Variants in ESS2 observed in about 807,000 individuals in gnomAD.
ESS2 encodes splicing factor ESS-2 homolog.
Under a neutral mutation model 52.0 loss-of-function variants are expected in ESS2, and 31 were observed. The observed-to-expected ratio is 0.60, with a 90% CI of 0.45 to 0.81. The LOEUF (loss-of-function observed/expected upper bound fraction) is 0.81. Among genes scored for constraint, ESS2 ranks in the 30% least tolerant of loss-of-function variants. The pLI, the probability that ESS2 is intolerant of heterozygous loss-of-function variation, is 0.00. For synonymous variants in ESS2, 285 were observed against 259.2 expected (o/e 1.10, Z -0.95); for missense variants, 602 against 637.2 (o/e 0.94, Z 0.59).
In ESS2 at chr22:19,142,816, C is replaced by A. The variant is rs559394479; in HGVS notation, c.214G>T (p.Glu72Ter). 1 of 1,614,138 alleles carries A rather than the reference C, an allele frequency of 6.2e-7. No homozygotes were observed. The highest frequency in any genetic ancestry group is 8.5e-7 in the Non-Finnish European group (1 of 1,180,040). ...LQAQKEYLEA[E>*]ENGDLERMRQ... ...ATCCGTTCCAAGTCTCCATTCTCCT[C>A]GGCTTCCAGGTACTCCTTCTGTGCC... Residue 72 changes from glutamate (E) to a stop codon, truncating the protein, a stop_gained, in exon 2 of 10, where the codon GAG (glutamate) becomes TAG (stop). Transcript: ENST00000252137. LOFTEE classifies it high-confidence loss of function.
intron 3 of ESS2, among the ~76,000 whole-genome samples, chr22:19,141,711 G>A (rs76576602): frequency 0.016 from 2,509 of 152,316 alleles, 90 homozygotes; most frequent in East Asian, 0.06. Context: ...GTCTTGGCCA[G>A]GCGCGGTGGC....
At chr22:19,144,126 G>A in intron 1 of ESS2, 1 of 1,036,726 alleles carries the variant, frequency 9.6e-7, no homozygotes, top group Non-Finnish European at 1.2e-6. Flanking sequence ...CCACTCACTC[G>A]AGATGCTGTC....
chr22:19,142,686 G>A (rs1569113411), intron 2 of ESS2, 40 bp downstream of exon 2: 1 of 1,609,758 alleles, frequency 6.2e-7, no homozygotes, highest in Non-Finnish European at 8.5e-7. Flanking sequence ...CGACAGTTCA[G>A]CAGGCTTTCC....
At chr22:19,137,930 G>GCA (rs2146096640) in intron 7 of ESS2, 1 of 985,340 alleles carries the variant, frequency 1.0e-6, no homozygotes, top group African/African-American at 1.7e-5. Flanking sequence ...TAAGCACTGT[G>GCA]CACACACCCC....
intron 8 of ESS2, among the ~76,000 whole-genome samples, chr22:19,135,657 A>G (rs2083568887): frequency 6.6e-6 from 1 of 152,028 alleles, no homozygotes; most frequent in Non-Finnish European, 1.5e-5. Context: ...CATTTATAAC[A>G]TTTTCTGCTG....
intron 7 of ESS2, chr22:19,137,841 T>A (rs1435869938): frequency 1.0e-6 from 1 of 985,268 alleles, no homozygotes; most frequent in Non-Finnish European, 1.2e-6. Flanking sequence ...CACCCACGCA[T>A]GCCACAAGAC....
chr22:19,142,455 C>G (rs541063173), intron 3 of ESS2, 83 bp downstream of exon 3: 1 of 1,320,066 alleles, frequency 7.6e-7, no homozygotes, highest in Non-Finnish European at 1.0e-6. Flanking sequence ...CTGCAGCCCT[C>G]TGGACCACCC....
intron 1 of ESS2, 96 bp downstream of exon 1, chr22:19,144,407 CGAG>C (rs1451088378): frequency 6.3e-7 from 1 of 1,576,370 alleles, no homozygotes; most frequent in African/African-American, 1.4e-5. Flanking sequence ...TCCACTTCCA[CGAG>C]GAGACGGAGT....
chr22:19,137,333 G>A lies in ESS2; in HGVS notation c.1025C>T (p.Pro342Leu). Residue 342 changes from proline (P) to leucine (L), a missense_variant, in exon 8 of 10, where the codon CCA becomes CTA. Transcript: ENST00000252137. ...ATCACCACAACCCACCTTAAAAGCT[G>A]GGCCGGGTGTCCTGTCCACGTAGGG... ...ETPYVDRTPG[P>L]AFKILEPGRR... The A allele has an allele frequency of 6.2e-7, 1 of 1,612,746 alleles. No individual in the cohort carries two copies. The highest frequency in any genetic ancestry group is 8.5e-7 in the Non-Finnish European group (1 of 1,179,276).
chr22:19,134,280 G>A lies in ESS2; in HGVS notation c.1347C>T (p.Arg449=). The A allele has an allele frequency of 6.3e-7, 1 of 1,594,858 alleles. No individual in the cohort carries two copies. Among genetic ancestry groups the A allele is most frequent in the Non-Finnish European group, 8.6e-7 (1 of 1,169,264 alleles). Residue 449 remains arginine (R), a synonymous_variant, in exon 10 of 10, where the codon CGC becomes CGT. Coordinates refer to ENST00000252137, the MANE Select transcript of ESS2 (RefSeq NM_022719.3). ...TSTPAPGSAT[R]TPLTQDPASI... Reference sequence around the variant, plus strand: ...AGGCCGGGTCCTGTGTGAGAGGGGTGCGTGTGGCAGAGCCAGGCGCCGGTG... The same window carrying A: ...AGGCCGGGTCCTGTGTGAGAGGGGTACGTGTGGCAGAGCCAGGCGCCGGTG...
At chr22:19,143,850 C>A (rs1047630392) in intron 1 of ESS2, among the ~76,000 whole-genome samples, 1 of 152,208 alleles carries the variant, frequency 6.6e-6, no homozygotes, top group African/African-American at 2.4e-5. Context: ...ACGAGCGAGA[C>A]TCCGTCTCAA....
rs2083497570 is a variant in ESS2 at position 19,130,595 on chromosome 22, A to C, written c.*3601T>G. The C allele has an allele frequency of 1.3e-5, 5 of 397,958 alleles. No individual in the cohort carries two copies. In the Admixed American group the frequency reaches 1.6e-4, roughly 13 times the overall value. The allele number at this position is 397,958 out of a possible 1,614,324, so 24.7% of individuals were successfully genotyped here. A position where few individuals can be genotyped will look rare whatever the true frequency, so the allele number is the denominator to read the frequency against. ...TTGGTCCAGAGAGCTGCCTTAGACT[A>C]TCCAATTGATCTATTCAAACAGCTG... On this transcript the variant is annotated 3_prime_UTR_variant, in exon 10 of 10. Transcript: ENST00000252137.
Position 19,139,746 on chromosome 22 carries a change from A to G in ESS2, c.571-17T>C, listed in dbSNP as rs1369701265. ...TTTCTGCCTCTGCAATCACATGGGG[A>G]AAAGTGATGGTCAGAGATGCCCCTG... is the stretch of plus-strand genomic sequence containing the variant. On this transcript the variant is annotated splice_polypyrimidine_tract_variant and intron_variant, in intron 4 of 9. Coordinates refer to ENST00000252137, the MANE Select transcript of ESS2 (RefSeq NM_022719.3). 1 of 1,613,848 alleles carries G rather than the reference A, an allele frequency of 6.2e-7. No individual in the cohort carries two copies. The highest frequency in any genetic ancestry group is 8.5e-7 in the Non-Finnish European group (1 of 1,179,850).
At chr22:19,134,893 G>A (rs112755441) in intron 9 of ESS2, among the ~76,000 whole-genome samples, 167 bp downstream of exon 9, 110 of 152,306 alleles carry the variant, frequency 7.2e-4, no homozygotes, top group African/African-American at 2.2e-3. Flanking sequence ...GTCCATGTGC[G>A]GCCATGCTCT....
In ESS2 at chr22:19,131,586, A is replaced by G. The variant is rs1769496863; in HGVS notation, c.*2610T>C. On this transcript the variant is annotated 3_prime_UTR_variant, in exon 10 of 10. Coordinates refer to ENST00000252137, the MANE Select transcript of ESS2 (RefSeq NM_022719.3). This position sits in a 1 kb window ranked among gnomAD's most constrained non-coding sequence, Gnocchi z 5.7. ...GAGATTCCTTCCTCGGGAGATGGACATCCTGGCAACTGTCAACCACGGCTC... is the reference window on the plus strand; with the variant it reads ...GAGATTCCTTCCTCGGGAGATGGACGTCCTGGCAACTGTCAACCACGGCTC... The G allele has an allele frequency of 1.1e-5, 18 of 1,614,008 alleles. No homozygotes were observed. Among genetic ancestry groups the G allele is most frequent in the African/African-American group, 5.3e-5 (4 of 74,904 alleles).
intron 6 of ESS2, chr22:19,138,588 G>A (rs1366251364): frequency 3.6e-5 from 21 of 578,146 alleles, no homozygotes; most frequent in African/African-American, 7.5e-5. Context: ...CTCGAGCTGC[G>A]CCTATCCCAG....
In ESS2 at chr22:19,142,535, C is replaced by T. The variant is rs2083704915; in HGVS notation, c.400+3G>A. ...GTGACTTAAAGAGGGCACCCTCACT[C>T]ACCATCCTCCAGGCCTCGGCCGCGG... On this transcript the variant is annotated splice_donor_region_variant and intron_variant, in intron 3 of 9. Coordinates refer to ENST00000252137, the MANE Select transcript of ESS2 (RefSeq NM_022719.3). 6.3e-7 allele frequency: 1 copy of T among 1,596,930 alleles called. No homozygotes were observed. Among genetic ancestry groups the T allele is most frequent in the East Asian group, 2.2e-5 (1 of 44,832 alleles).
intron 8 of ESS2, among the ~76,000 whole-genome samples, chr22:19,136,989 A>T (rs2083593239): frequency 6.6e-6 from 1 of 152,104 alleles, no homozygotes; most frequent in Non-Finnish European, 1.5e-5. Flanking sequence ...CTTCTCTACA[A>T]GCACACAGCC....
intron 4 of ESS2, 38 bp downstream of exon 4, chr22:19,139,817 T>C (rs1366959627): frequency 6.2e-7 from 1 of 1,613,744 alleles, no homozygotes; most frequent in Non-Finnish European, 8.5e-7. Flanking sequence ...CCACAGAGGG[T>C]GCCTACGCCT....
Sources: gnomAD v4.1 joint callset for allele counts (sites outside exome capture counted in the v4.1 genomes callset) on GRCh38, gnomAD v4.1.1 for gene constraint, Gnocchi (gnomAD v3.1) non-coding constraint, MANE v1.5 for transcripts, NCBI Gene and HGNC (gene_info 2026-07-23, HGNC 2026-07-21) for gene names.